Variants in TAF3 observed in about 807,000 individuals in gnomAD.
The protein encoded by TAF3 is transcription initiation factor TFIID subunit 3.
TAF3 carries 7 observed loss-of-function variants against 80.6 expected under a neutral mutation model. That is an observed-to-expected ratio of 0.09 (90% CI 0.05 to 0.16). The LOEUF (loss-of-function observed/expected upper bound fraction) is 0.16, where lower values mean the gene tolerates loss of function less well. Among genes scored for constraint, TAF3 ranks in the 10% least tolerant of loss-of-function variants. The pLI is 1.00. For missense variants in TAF3, 921 were observed against 1,140.2 expected, an observed-to-expected ratio of 0.81 and a Z score of 2.77; for synonymous variants, 444 against 446.1, an observed-to-expected ratio of 1.00 and a Z score of 0.06.
chr10:7,824,200 A>C (rs1836718767), intron 1 of TAF3, 118 bp from the exon 2 acceptor site: 5 of 1,150,638 alleles, frequency 4.3e-6, no homozygotes, highest in Non-Finnish European at 6.1e-6. Flanking sequence ...CTTTCCAATA[A>C]CTAGGTTAAA....
intron 2 of TAF3, among the ~76,000 whole-genome samples, chr10:7,870,691 C>T (rs779465874): frequency 1.2e-4 from 18 of 151,942 alleles, no homozygotes; most frequent in African/African-American, 9.7e-5. Flanking sequence ...CTTCTGAGTT[C>T]GCCTTCCTTC....
intron 2 of TAF3, among the ~76,000 whole-genome samples, chr10:7,845,289 C>T (rs567765219): frequency 2.0e-5 from 3 of 150,552 alleles, no homozygotes; most frequent in East Asian, 1.9e-4. Flanking sequence ...ATTTTTTTGA[C>T]GCCGCCCTCC....
At chr10:7,834,242 C>T (rs1442776194) in intron 2 of TAF3, among the ~76,000 whole-genome samples, 1 of 152,130 alleles carries the variant, frequency 6.6e-6, no homozygotes, top group Non-Finnish European at 1.5e-5. Flanking sequence ...TGTCACCCTG[C>T]GCTTTTGGGG....
chr10:7,981,806 A>G (rs1338796947), intron 4 of TAF3, among the ~76,000 whole-genome samples: 3 of 151,920 alleles, frequency 2.0e-5, no homozygotes, highest in Admixed American at 1.3e-4. Flanking sequence ...ACAGAGTTTA[A>G]CTTAAGCCTT....
intron 3 of TAF3, among the ~76,000 whole-genome samples, chr10:7,969,026 A>G (rs998773966): frequency 2.0e-4 from 30 of 152,294 alleles, no homozygotes; most frequent in African/African-American, 6.7e-4. Flanking sequence ...ACACATGTTA[A>G]TGGCCAGGTG....
chr10:7,975,324 A>G (rs1016537308), intron 3 of TAF3, among the ~76,000 whole-genome samples: 2 of 152,152 alleles, frequency 1.3e-5, no homozygotes, highest in African/African-American at 4.8e-5. Flanking sequence ...AAGAGTCTTG[A>G]AAGTGCTAAA....
intron 4 of TAF3, among the ~76,000 whole-genome samples, chr10:7,991,144 A>G (rs1831829450): frequency 6.6e-6 from 1 of 152,060 alleles, no homozygotes; most frequent in East Asian, 1.9e-4. Flanking sequence ...AAATTTTGGA[A>G]ACTTTCTTAT....
intron 4 of TAF3, among the ~76,000 whole-genome samples, chr10:7,995,978 T>C (rs1831883546): frequency 1.3e-5 from 2 of 152,236 alleles, no homozygotes; most frequent in South Asian, 4.1e-4. Flanking sequence ...TGTTACAGTT[T>C]GGCGTCTTAA....
At chr10:7,864,288 A>T (rs1188242412) in intron 2 of TAF3, among the ~76,000 whole-genome samples, 1 of 152,038 alleles carries the variant, frequency 6.6e-6, no homozygotes, top group African/African-American at 2.4e-5. Context: ...TATTGTCTCC[A>T]TAGTTTTACT....
intron 2 of TAF3, among the ~76,000 whole-genome samples, chr10:7,927,328 T>C (rs1331627225): frequency 6.6e-6 from 1 of 152,246 alleles, no homozygotes; most frequent in Admixed American, 6.5e-5. Flanking sequence ...TTTCTACGTG[T>C]TTTTCTGAAC....
At chr10:7,991,090 G>A (rs540563786) in intron 4 of TAF3, among the ~76,000 whole-genome samples, 1 of 152,172 alleles carries the variant, frequency 6.6e-6, no homozygotes, top group South Asian at 2.1e-4. Flanking sequence ...ATGTGAATCT[G>A]AAGTCAGTGT....
At position 7,911,274 on chromosome 10, in the gene TAF3, TAGTC is replaced by T. The variant is rs1445680746; in HGVS notation, c.410-52638_410-52635del. On this transcript the variant is annotated intron_variant, in intron 2 of 6. Coordinates refer to ENST00000344293, the MANE Select transcript of TAF3 (RefSeq NM_031923.4). ...ACCCATGAGGCATTGTGATTATATT[TAGTC>T]AGTCAGTGAAATCTGGCCTAATCTG... Among the ~76,000 whole-genome samples, 10 of 152,374 alleles carry T rather than the reference TAGTC, an allele frequency of 6.6e-5. No homozygotes were observed. The South Asian group carries it at 2.1e-3, about 32-fold the overall frequency.
chr10:7,994,051 C>G (rs1241318450), intron 4 of TAF3, among the ~76,000 whole-genome samples: 1 of 142,506 alleles, frequency 7.0e-6, no homozygotes, highest in Non-Finnish European at 1.5e-5. Flanking sequence ...CTCTGCTCCC[C>G]CTACCCCTTC....
intron 2 of TAF3, among the ~76,000 whole-genome samples, chr10:7,913,547 A>G (rs921039551): frequency 6.6e-6 from 1 of 152,176 alleles, no homozygotes; most frequent in African/African-American, 2.4e-5. Flanking sequence ...ATCCTTTTGG[A>G]TGGGGAACTC....
chr10:7,998,515 G>A (rs971698724), intron 4 of TAF3, among the ~76,000 whole-genome samples: 8 of 152,032 alleles, frequency 5.3e-5, no homozygotes, highest in Admixed American at 1.3e-4. Context: ...TCTAATGGGC[G>A]CCATTATCAG....
chr10:7,937,522 T>C (rs1323565423), intron 2 of TAF3, among the ~76,000 whole-genome samples: 1 of 152,246 alleles, frequency 6.6e-6, no homozygotes, highest in Non-Finnish European at 1.5e-5. Flanking sequence ...TTTTGCCCAT[T>C]TTTAAATTGA....
intron 2 of TAF3, among the ~76,000 whole-genome samples, chr10:7,957,685 T>A (rs12777575): frequency 1.3e-5 from 2 of 152,136 alleles, no homozygotes; most frequent in South Asian, 4.1e-4. Context: ...TTTTCTCCCG[T>A]TTCAGAACAC....
At chr10:7,842,089 G>A (rs575256932) in intron 2 of TAF3, among the ~76,000 whole-genome samples, 3 of 150,988 alleles carry the variant, frequency 2.0e-5, no homozygotes, top group East Asian at 3.9e-4. Context: ...ATTGAGTTGC[G>A]TGAGTACCCT....
chr10:7,924,073 C>A (rs1243384801), intron 2 of TAF3, among the ~76,000 whole-genome samples: 3 of 152,168 alleles, frequency 2.0e-5, no homozygotes, highest in African/African-American at 7.2e-5. Flanking sequence ...TTTGCGCACA[C>A]CAATGCCATT....
Sources: gnomAD v4.1 joint callset for allele counts (sites outside exome capture counted in the v4.1 genomes callset) on GRCh38, gnomAD v4.1.1 for gene constraint, MANE v1.5 for transcripts, NCBI Gene and HGNC (gene_info 2026-07-23, HGNC 2026-07-21) for gene names.